Variants in TMEM19 observed in about 807,000 individuals in gnomAD.
The protein encoded by TMEM19 is transmembrane protein 19.
Under a neutral mutation model 33.6 loss-of-function variants are expected in TMEM19, and 21 were observed. That is an observed-to-expected ratio of 0.62 (90% confidence interval 0.44 to 0.90). The LOEUF is 0.90. Among genes scored for constraint, TMEM19 ranks in the 40% least tolerant of loss-of-function variants. The probability of loss-of-function intolerance (pLI) is 0.00; values close to 1 mark genes in which losing one functional copy is unlikely to be tolerated. For missense variants in TMEM19, 402 were observed against 401.8 expected, an observed-to-expected ratio of 1.00 and a Z score of 0.00; for synonymous variants, 149 against 147.5, an observed-to-expected ratio of 1.01 and a Z score of -0.07.
chr12:71,699,324 G>A (rs1592622752), intron 5 of TMEM19: 2 of 611,274 alleles, frequency 3.3e-6, no homozygotes, highest in East Asian at 5.5e-5. Context: ...ATGATTAGAA[G>A]CCATGTGGGG....
At chr12:71,692,027 TC>T (rs1264918478) in intron 2 of TMEM19, among the ~76,000 whole-genome samples, 1 of 152,208 alleles carries the variant, frequency 6.6e-6, no homozygotes, top group African/African-American at 2.4e-5. Context: ...GCTGCCTAAC[TC>T]CTAGGAGACT....
rs768279347 is a variant in TMEM19, at chr12:71,699,132, G to A, written c.847+23G>A. 4.3e-6 allele frequency: 7 copies of A among 1,610,000 alleles called. No homozygotes were observed. The South Asian group carries it at 7.7e-5, about 18-fold the overall frequency. ...CTGGTAAGAACATTCCTTCATTCTT[G>A]CAACTTATTGGTATGTTAAAGAAAT... On this transcript the variant is annotated intron_variant, in intron 5 of 5. Coordinates refer to ENST00000266673, the MANE Select transcript of TMEM19 (RefSeq NM_018279.4).
At position 71,701,147 on chromosome 12, in the gene TMEM19, C is replaced by A; in HGVS notation, c.*152C>A. ...ATGGGATTTCACATTTTCCTCTCAT[C>A]AACTCCCCTGTAATAGCTAGCGTCT... On this transcript the variant is annotated 3_prime_UTR_variant, in exon 6 of 6. Transcript: ENST00000266673. 2.8e-6 allele frequency: 2 copies of A among 713,168 alleles called. No homozygotes were observed. The highest frequency in any genetic ancestry group is 4.3e-6 in the Non-Finnish European group (2 of 461,462). The allele number at this position is 713,168 out of a possible 1,614,324, so 44.2% of individuals were successfully genotyped here.
chr12:71,693,962 A>G (rs1398579361), intron 2 of TMEM19, among the ~76,000 whole-genome samples: 1 of 152,162 alleles, frequency 6.6e-6, no homozygotes, highest in Non-Finnish European at 1.5e-5. Flanking sequence ...TTTTCTTTAT[A>G]AATTACCCAG....
At position 71,692,854 on chromosome 12, in the gene TMEM19, A is replaced by G. The variant is rs117074911; in HGVS notation, c.244+3150A>G. Reference sequence around the variant, plus strand: ...TTTTAAAAACCTTTGCTTTTTTCCTAATTATTTCATTCTATGAACTGTTTA... The same window carrying G: ...TTTTAAAAACCTTTGCTTTTTTCCTGATTATTTCATTCTATGAACTGTTTA... On this transcript the variant is annotated intron_variant, in intron 2 of 5. Transcript: ENST00000266673. Among the ~76,000 whole-genome samples, 1,456 of 151,988 alleles carry G rather than the reference A, an allele frequency of 9.6e-3. 11 individuals carry two copies. The highest frequency in any genetic ancestry group is 0.014 in the Non-Finnish European group (972 of 67,972).
At chr12:71,698,770 C>A in intron 4 of TMEM19, 130 bp from the exon 5 acceptor site, 1 of 762,546 alleles carries the variant, frequency 1.3e-6, no homozygotes, top group Non-Finnish European at 2.1e-6. Context: ...TAAAAAGCTA[C>A]AGTCTTTAGA....
chr12:71,704,814 T>G lies in TMEM19; in HGVS notation c.*3819T>G, dbSNP rs1002910214. 13 of 152,208 alleles carry G rather than the reference T, an allele frequency of 8.5e-5. No individual in the cohort carries two copies. The highest frequency in any genetic ancestry group is 1.3e-4 in the Admixed American group (2 of 15,284). 9.4% of individuals were successfully genotyped at this position (152,208 alleles called of 1,614,324 possible). ...TCCAGCCTGGGTGACAGAGCAAGAC[T>G]CCATCTTGAAAAAAAAAGGAAAACA... On this transcript the variant is annotated 3_prime_UTR_variant, in exon 6 of 6. Transcript: ENST00000266673.
rs2059815468 is a variant in TMEM19 at position 71,704,773 on chromosome 12, G to C, written c.*3778G>C. 1.3e-5 allele frequency: 2 copies of C among 152,068 alleles called. No homozygotes were observed. 9.4% of individuals were successfully genotyped at this position (152,068 alleles called of 1,614,324 possible). A position where few individuals can be genotyped will look rare whatever the true frequency, so the allele number is the denominator to read the frequency against. On this transcript the variant is annotated 3_prime_UTR_variant, in exon 6 of 6. Coordinates refer to ENST00000266673, the MANE Select transcript of TMEM19 (RefSeq NM_018279.4). ...GGAGGCAGAGGTTTCAGTAAGCAGA[G>C]AGCGTGCCACCGCACTCCAGCCTGG...
chr12:71,690,857 C>G (rs1387608349), intron 2 of TMEM19, among the ~76,000 whole-genome samples: 1 of 152,078 alleles, frequency 6.6e-6, no homozygotes, highest in South Asian at 2.1e-4. Context: ...GCTCATTTGA[C>G]TAGAAAATAG....
chr12:71,696,740 G>A (rs890344614), intron 3 of TMEM19, among the ~76,000 whole-genome samples, 167 bp downstream of exon 3: 8 of 151,204 alleles, frequency 5.3e-5, no homozygotes, highest in Non-Finnish European at 1.0e-4. Flanking sequence ...TCCGCCTCCC[G>A]GGTTCACACC....
In TMEM19 at chr12:71,703,335, A is replaced by G. The variant is rs1332683670; in HGVS notation, c.*2340A>G. 1 of 152,088 alleles carries G rather than the reference A, an allele frequency of 6.6e-6. No individual in the cohort carries two copies. The highest frequency in any genetic ancestry group is 1.5e-5 in the Non-Finnish European group (1 of 68,022). The allele number at this position is 152,088 out of a possible 1,614,324, so 9.4% of individuals were successfully genotyped here. A position where few individuals can be genotyped will look rare whatever the true frequency, so the allele number is the denominator to read the frequency against. The stretch of plus-strand genomic sequence containing the variant: ...TAGGGAGATAACTATTAGCAACCAC[A>G]CAATATGTTATCTTTATGGATGAAT... On this transcript the variant is annotated 3_prime_UTR_variant, in exon 6 of 6. Transcript: ENST00000266673.
At chr12:71,699,157 T>C in intron 5 of TMEM19, 48 bp downstream of exon 5, 1 of 1,595,018 alleles carries the variant, frequency 6.3e-7, no homozygotes, top group East Asian at 2.2e-5. Flanking sequence ...GTTAAAGAAA[T>C]AGGGAAAAGA....
chr12:71,689,850 A>G, intron 2 of TMEM19, 146 bp downstream of exon 2: 1 of 624,142 alleles, frequency 1.6e-6, no homozygotes, highest in Non-Finnish European at 2.7e-6. Flanking sequence ...CATCTTGCTC[A>G]GCATTCCTAT....
intron 5 of TMEM19, 77 bp from the exon 6 acceptor site, chr12:71,700,750 TAAAAA>T: frequency 9.2e-7 from 1 of 1,088,652 alleles, no homozygotes; most frequent in Non-Finnish European, 1.2e-6. Context: ...TAAAGTATAA[TAAAAA>T]AAAAAAAAAA....
chr12:71,702,366 G>C lies in TMEM19; in HGVS notation c.*1371G>C, dbSNP rs1262093470. Reference sequence around the variant, plus strand: ...AGACAGAGTCTCACACTGTGGCCCAGGCTGGACTCCAGCACAGTGGCATGA... The same window carrying C: ...AGACAGAGTCTCACACTGTGGCCCACGCTGGACTCCAGCACAGTGGCATGA... On this transcript the variant is annotated 3_prime_UTR_variant, in exon 6 of 6. Transcript: ENST00000266673. 6.6e-6 allele frequency: 1 copy of C among 152,092 alleles called. No homozygotes were observed. 9.4% of individuals were successfully genotyped at this position (152,092 alleles called of 1,614,324 possible). A position where few individuals can be genotyped will look rare whatever the true frequency, so the allele number is the denominator to read the frequency against.
At chr12:71,698,854 T>C (rs1881926502) in intron 4 of TMEM19, 46 bp from the exon 5 acceptor site, 1 of 1,582,830 alleles carries the variant, frequency 6.3e-7, no homozygotes. Flanking sequence ...CCTTTATGTG[T>C]TTGCTGATTA....
chr12:71,697,707 G>T (rs186576527), intron 4 of TMEM19, among the ~76,000 whole-genome samples, 173 bp downstream of exon 4: 1 of 152,174 alleles, frequency 6.6e-6, no homozygotes, highest in East Asian at 1.9e-4. Flanking sequence ...TATTAAATTG[G>T]TAATAATAAA....
rs1824981009 is a variant in TMEM19, at chr12:71,701,473, G to A, written c.*478G>A. 1 of 152,408 alleles carries A rather than the reference G, an allele frequency of 6.6e-6. No individual in the cohort carries two copies. The highest frequency in any genetic ancestry group is 2.4e-5 in the African/African-American group (1 of 41,568). 9.4% of individuals were successfully genotyped at this position (152,408 alleles called of 1,614,324 possible). A position where few individuals can be genotyped will look rare whatever the true frequency, so the allele number is the denominator to read the frequency against. The stretch of plus-strand genomic sequence containing the variant: ...GATGTGTATGGGAGCCTAAACAAGT[G>A]TAGTATCCTGAACTTCTCCCATTAA... On this transcript the variant is annotated 3_prime_UTR_variant, in exon 6 of 6. Coordinates refer to ENST00000266673, the MANE Select transcript of TMEM19 (RefSeq NM_018279.4).
rs984748792 is a variant in TMEM19, at chr12:71,699,849, C to CA, written c.847+749dup. The stretch of plus-strand genomic sequence containing the variant: ...TGGGCAACAGAGCAAGACTCCATCT[C>CA]AAAAAAAAAGAAAAAAGATATATGG... On this transcript the variant is annotated intron_variant, in intron 5 of 5. Transcript: ENST00000266673. The CA allele has an allele frequency of 2.3e-4, 34 of 150,046 alleles. 1 individual carries two copies. Among genetic ancestry groups the CA allele is most frequent in the South Asian group, 1.5e-3 (7 of 4,746 alleles). 9.3% of individuals were successfully genotyped at this position (150,046 alleles called of 1,614,324 possible).
Sources: allele counts gnomAD v4.1 joint callset (sites outside exome capture counted in the v4.1 genomes callset), GRCh38; gene constraint gnomAD v4.1.1; transcripts MANE v1.5; gene names NCBI Gene and HGNC (gene_info 2026-07-23, HGNC 2026-07-21).